Variants in ALG14 observed in about 807,000 individuals in gnomAD.
ALG14 encodes UDP-N-acetylglucosamine transferase subunit ALG14.
A neutral mutation model predicts 22.8 loss-of-function variants in ALG14; 17 were observed. The ratio of observed to expected loss-of-function variants is 0.75; its 90% confidence interval spans 0.51 to 1.12. The LOEUF (loss-of-function observed/expected upper bound fraction) is 1.12. Among genes scored for constraint, ALG14 ranks in the 50% most tolerant of loss-of-function variants. The pLI is 0.00. For synonymous variants in ALG14, 89 were observed against 103.7 expected (o/e 0.86, Z 0.86); for missense variants, 288 against 271.8 (o/e 1.06, Z -0.42).
intron 2 of ALG14, among the ~76,000 whole-genome samples, chr1:95,037,265 C>G (rs2100789671): frequency 6.6e-6 from 1 of 152,292 alleles, no homozygotes; most frequent in South Asian, 2.1e-4. Flanking sequence ...CACCCCTAAC[C>G]CTGCCTCTAA....
chr1:95,066,664 C>T (rs113864559), intron 1 of ALG14, among the ~76,000 whole-genome samples: 3 of 152,158 alleles, frequency 2.0e-5, no homozygotes, highest in Non-Finnish European at 2.9e-5. Context: ...TGTCACCCAT[C>T]TTCTTGACTG....
In ALG14 at chr1:95,004,261, A is replaced by C. The variant is rs180853563; in HGVS notation, c.421-20955T>G. 3.4e-3 allele frequency among the ~76,000 whole-genome samples: 446 copies of C among 132,420 alleles called. 1 individual carries two copies. The highest frequency in any genetic ancestry group is 0.013 in the African/African-American group (429 of 34,030). The allele number at this position is 132,420 out of a possible 152,430, so 86.9% of individuals were successfully genotyped here. A position where few individuals can be genotyped will look rare whatever the true frequency, so the allele number is the denominator to read the frequency against. On this transcript the variant is annotated intron_variant, in intron 3 of 3. Transcript: ENST00000370205. ...TTTTGAGACAGCGTCTCGCTCTATC[A>C]CCCAGGATGGAGTGCAGTGACACGA...
intron 3 of ALG14, among the ~76,000 whole-genome samples, chr1:94,995,573 C>T (rs905752771): frequency 1.3e-5 from 2 of 152,130 alleles, no homozygotes; most frequent in Non-Finnish European, 2.9e-5. Flanking sequence ...ATTAGCTGAG[C>T]GTGGTGGCAC....
rs375476029 is a variant in ALG14, at chr1:95,064,602, G to C, written c.288+264C>G. Among the ~76,000 whole-genome samples the C allele has an allele frequency of 3.9e-5, 6 of 152,000 alleles. 1 individual carries two copies. The highest frequency in any genetic ancestry group is 1.4e-4 in the African/African-American group (6 of 41,476). On this transcript the variant is annotated intron_variant, in intron 2 of 3. Transcript: ENST00000370205. ...TTACATTTATTGATTTGCGTATGTT[G>C]AATCAACCTTGCATCCCGGGTATGA...
At chr1:95,007,684 A>G (rs960884637) in intron 3 of ALG14, among the ~76,000 whole-genome samples, 1 of 152,228 alleles carries the variant, frequency 6.6e-6, no homozygotes, top group African/African-American at 2.4e-5. Flanking sequence ...GGGGCCCCAT[A>G]AACCACAGCA....
intron 3 of ALG14, among the ~76,000 whole-genome samples, chr1:95,024,579 T>G (rs1462875164): frequency 6.6e-6 from 1 of 152,328 alleles, no homozygotes; most frequent in Admixed American, 6.5e-5. Flanking sequence ...AAAGTGAACA[T>G]GAAGACTTGA....
intron 2 of ALG14, among the ~76,000 whole-genome samples, chr1:95,047,887 AAT>A (rs1674612950): frequency 6.6e-6 from 1 of 152,154 alleles, no homozygotes; most frequent in Admixed American, 6.5e-5. Flanking sequence ...GAGGCAGGAG[AAT>A]CACTTGAGCC....
At chr1:95,012,745 T>C (rs1443228499) in intron 3 of ALG14, among the ~76,000 whole-genome samples, 1 of 152,204 alleles carries the variant, frequency 6.6e-6, no homozygotes. Context: ...CTCTTGGAGC[T>C]GGAAAGAAAT....
At chr1:95,022,548 AAC>A (rs1277084301) in intron 3 of ALG14, among the ~76,000 whole-genome samples, 2 of 152,328 alleles carry the variant, frequency 1.3e-5, no homozygotes, top group East Asian at 1.9e-4. Flanking sequence ...ATGGAGAGGA[AAC>A]ACACAGTGGG....
intron 2 of ALG14, among the ~76,000 whole-genome samples, chr1:95,041,070 T>C (rs938945750): frequency 1.2e-4 from 19 of 152,246 alleles, no homozygotes; most frequent in Non-Finnish European, 5.9e-5. Flanking sequence ...CTACCTGATA[T>C]ACTATTTCAA....
chr1:95,045,055 C>A (rs953021417), intron 2 of ALG14, among the ~76,000 whole-genome samples: 10 of 152,052 alleles, frequency 6.6e-5, no homozygotes, highest in African/African-American at 2.4e-4. Flanking sequence ...TTTATTCAAG[C>A]TCCTTTCCCA....
chr1:95,013,647 A>T, intron 3 of ALG14, among the ~76,000 whole-genome samples: 1 of 152,154 alleles, frequency 6.6e-6, no homozygotes. Flanking sequence ...ATAAAAATAC[A>T]GCAACCAGGA....
chr1:95,028,297 T>C (rs1335232037), intron 2 of ALG14, among the ~76,000 whole-genome samples: 1 of 152,124 alleles, frequency 6.6e-6, no homozygotes, highest in Non-Finnish European at 1.5e-5. Flanking sequence ...CACAGGCACA[T>C]GCCACCATAC....
chr1:95,053,688 A>G (rs1199343087), intron 2 of ALG14, among the ~76,000 whole-genome samples: 2 of 152,226 alleles, frequency 1.3e-5, no homozygotes, highest in East Asian at 1.9e-4. Context: ...GGCCTCCCAC[A>G]GCGTTAGGAT....
At chr1:95,039,722 T>A (rs945194045) in intron 2 of ALG14, among the ~76,000 whole-genome samples, 2 of 152,116 alleles carry the variant, frequency 1.3e-5, no homozygotes, top group African/African-American at 4.8e-5. Context: ...AAGCAATGGG[T>A]AGACCTAGCA....
chr1:94,986,394 G>A (rs951360881), intron 3 of ALG14, among the ~76,000 whole-genome samples: 1 of 152,154 alleles, frequency 6.6e-6, no homozygotes, highest in Non-Finnish European at 1.5e-5. Flanking sequence ...ACCCTATATT[G>A]ACTCAAATGT....
In ALG14 at chr1:94,982,843, G is replaced by C. The variant is rs558518381; in HGVS notation, c.*233C>G. 1.4e-4 allele frequency: 59 copies of C among 429,036 alleles called. No individual in the cohort carries two copies. The highest frequency in any genetic ancestry group is 6.4e-4 in the Middle Eastern group (1 of 1,556). 26.6% of individuals were successfully genotyped at this position (429,036 alleles called of 1,614,324 possible). A position where few individuals can be genotyped will look rare whatever the true frequency, so the allele number is the denominator to read the frequency against. ...GTAATACATATTTTTATCTAGAAAA[G>C]AAATTTGGTTTACAGAGGCATAAAC... is the stretch of plus-strand genomic sequence containing the variant. On this transcript the variant is annotated 3_prime_UTR_variant, in exon 4 of 4. Transcript: ENST00000370205.
intron 2 of ALG14, among the ~76,000 whole-genome samples, chr1:95,046,967 A>C (rs976730426): frequency 6.8e-6 from 1 of 147,812 alleles, no homozygotes; most frequent in Non-Finnish European, 1.5e-5. Flanking sequence ...ACCCTGTCTC[A>C]CAAAAAAACA....
At chr1:94,990,879 C>T (rs911664446) in intron 3 of ALG14, among the ~76,000 whole-genome samples, 6 of 152,356 alleles carry the variant, frequency 3.9e-5, no homozygotes, top group African/African-American at 1.4e-4. Context: ...AACTTCGGTT[C>T]TGTAGGATCT....
Sources: allele counts gnomAD v4.1 joint callset (sites outside exome capture counted in the v4.1 genomes callset), GRCh38; gene constraint gnomAD v4.1.1; transcripts MANE v1.5; gene names NCBI Gene and HGNC (gene_info 2026-07-23, HGNC 2026-07-21).